The following RGL1 variants were observed in gnomAD, a reference collection of about 807,000 sequenced individuals.
The protein encoded by RGL1 is ral guanine nucleotide dissociation stimulator-like 1.
In RGL1, 24 loss-of-function variants were observed where a neutral mutation model predicts 95.2. The ratio of observed to expected loss-of-function variants is 0.25; its 90% CI spans 0.18 to 0.35. RGL1 has a LOEUF of 0.35. RGL1 is among the 10% of genes least tolerant of loss of function. The pLI is 1.00. For synonymous variants in RGL1, 329 were observed against 344.9 expected, an observed-to-expected ratio of 0.95 and a Z score of 0.51; for missense variants, 715 against 936.3, an observed-to-expected ratio of 0.76 and a Z score of 3.08.
intron 1 of RGL1, among the ~76,000 whole-genome samples, chr1:183,664,099 A>AT (rs1043108522): frequency 6.7e-6 from 1 of 150,162 alleles, no homozygotes; most frequent in African/African-American, 2.5e-5. Context: ...GCTTTAGGAG[A>AT]TATACCTAAT....
intron 3 of RGL1, among the ~76,000 whole-genome samples, chr1:183,860,646 C>G (rs1665455818): frequency 6.6e-6 from 1 of 152,164 alleles, no homozygotes; most frequent in Non-Finnish European, 1.5e-5. Flanking sequence ...TGGGCCTTCC[C>G]CAAATACCCA....
intron 4 of RGL1, among the ~76,000 whole-genome samples, chr1:183,872,515 A>G (rs780732700): frequency 5.3e-5 from 8 of 152,204 alleles, no homozygotes; most frequent in Non-Finnish European, 5.9e-5. Flanking sequence ...AATTGTTGAA[A>G]TCGTTCTGCT....
chr1:183,891,854 A>G (rs1280044261), intron 8 of RGL1, among the ~76,000 whole-genome samples: 3 of 149,328 alleles, frequency 2.0e-5, no homozygotes, highest in Non-Finnish European at 3.0e-5. Flanking sequence ...ATGGCTAGGG[A>G]AATATACCTC....
intron 1 of RGL1, among the ~76,000 whole-genome samples, chr1:183,732,421 G>A (rs1656681685): frequency 6.6e-6 from 1 of 152,120 alleles, no homozygotes; most frequent in African/African-American, 2.4e-5. Context: ...ATTTCATATG[G>A]ACTCTGAAAC....
At chr1:183,806,302 A>C in intron 1 of RGL1, 73 bp from the exon 2 acceptor site, 1 of 1,147,396 alleles carries the variant, frequency 8.7e-7, no homozygotes, top group Non-Finnish European at 1.3e-6. Flanking sequence ...GCAGCAAGGC[A>C]GCTGGGATAG....
At chr1:183,906,603 A>G (rs187392034) in intron 13 of RGL1, among the ~76,000 whole-genome samples, 3 of 152,314 alleles carry the variant, frequency 2.0e-5, no homozygotes, top group Admixed American at 2.0e-4. Flanking sequence ...ATGTGCACAA[A>G]CACACATACA....
At chr1:183,809,085 C>G (rs189353327) in intron 2 of RGL1, among the ~76,000 whole-genome samples, 96 of 152,226 alleles carry the variant, frequency 6.3e-4, no homozygotes, top group African/African-American at 2.2e-3. Flanking sequence ...TGATAAACTC[C>G]CCATTTTGGA....
chr1:183,662,330 A>G (rs966353304), intron 1 of RGL1, among the ~76,000 whole-genome samples: 3 of 151,774 alleles, frequency 2.0e-5, no homozygotes, highest in African/African-American at 7.3e-5. Context: ...TCAGCCCAAA[A>G]TCTCCTTAAG....
rs74433936 is a variant in RGL1, at chr1:183,709,141, G to C, written c.-32-32985G>C. Reference sequence around the variant, plus strand: ...GGACGGCCTCTCTCTCAGCCTTCAGGGGGTACGTGTCTTCTGCCGGCCGTC... The same window carrying C: ...GGACGGCCTCTCTCTCAGCCTTCAGCGGGTACGTGTCTTCTGCCGGCCGTC... On this transcript the variant is annotated intron_variant, in intron 1 of 18. Coordinates refer to the RGL1 transcript ENST00000304685. 6.3e-3 allele frequency among the ~76,000 whole-genome samples: 954 copies of C among 152,250 alleles called. 34 individuals carry two copies. The East Asian group carries it at 0.072, about 12-fold the overall frequency.
chr1:183,828,115 G>A (rs1663000278), intron 2 of RGL1, among the ~76,000 whole-genome samples: 1 of 152,106 alleles, frequency 6.6e-6, no homozygotes, highest in Non-Finnish European at 1.5e-5. Flanking sequence ...AGAGGAGAAT[G>A]CATTTTTGAA....
At chr1:183,680,958 C>T (rs1233009866) in intron 1 of RGL1, among the ~76,000 whole-genome samples, 1 of 152,134 alleles carries the variant, frequency 6.6e-6, no homozygotes, top group African/African-American at 2.4e-5. Flanking sequence ...TGGGAGTTCA[C>T]TCATGATTTG....
intron 1 of RGL1, among the ~76,000 whole-genome samples, chr1:183,710,678 G>A (rs1046217799): frequency 5.3e-5 from 8 of 152,192 alleles, no homozygotes; most frequent in African/African-American, 1.9e-4. Context: ...GGTGGCAGGA[G>A]AGGGAGAGAG....
At chr1:183,867,845 C>T (rs1282248922) in intron 4 of RGL1, among the ~76,000 whole-genome samples, 1 of 152,160 alleles carries the variant, frequency 6.6e-6, no homozygotes, top group Non-Finnish European at 1.5e-5. Flanking sequence ...TTTAACTCCT[C>T]AGAAGAGTTA....
chr1:183,652,250 G>T (rs3889890), intron 1 of RGL1, among the ~76,000 whole-genome samples: 10,478 of 152,190 alleles, frequency 0.069, 624 homozygotes, highest in African/African-American at 0.16. Flanking sequence ...TTCTAAGCAC[G>T]CCTTCCTTTG....
At chr1:183,796,706 T>C (rs1558211925) in intron 2 of RGL1, among the ~76,000 whole-genome samples, 1 of 152,226 alleles carries the variant, frequency 6.6e-6, no homozygotes, top group East Asian at 1.9e-4. Context: ...AAAAAGGAGA[T>C]TCCTTCAGTC....
At chr1:183,830,018 G>A (rs1663153481) in intron 2 of RGL1, among the ~76,000 whole-genome samples, 1 of 152,054 alleles carries the variant, frequency 6.6e-6, no homozygotes, top group Non-Finnish European at 1.5e-5. Flanking sequence ...TGTCTGTGTT[G>A]TTCATTTCTG....
chr1:183,660,489 A>T (rs12028389), intron 1 of RGL1, among the ~76,000 whole-genome samples: 8,485 of 148,814 alleles, frequency 0.057, 438 homozygotes, highest in African/African-American at 0.14. Context: ...AAAGGGATCA[A>T]TGCAACAAGA....
intron 9 of RGL1, 47 bp from the exon 10 acceptor site, chr1:183,897,761 T>C: frequency 7.2e-7 from 1 of 1,388,544 alleles, no homozygotes; most frequent in Non-Finnish European, 1.0e-6. Flanking sequence ...TTCTTACCAT[T>C]GTGGCATCCT....
chr1:183,641,339 T>C (rs1649909083), intron 1 of RGL1, among the ~76,000 whole-genome samples: 1 of 152,192 alleles, frequency 6.6e-6, no homozygotes, highest in African/African-American at 2.4e-5. Context: ...TTTGCTCTAT[T>C]GCCCAGGCTG....
Sources: allele counts gnomAD v4.1 joint callset (sites outside exome capture counted in the v4.1 genomes callset), GRCh38; gene constraint gnomAD v4.1.1; transcripts MANE v1.5; gene names NCBI Gene and HGNC (gene_info 2026-07-23, HGNC 2026-07-21).